STPG2: variants seen among roughly 807,000 people sequenced by gnomAD.
The protein encoded by STPG2 is sperm tail PG-rich repeat containing 2.
In STPG2, 56 loss-of-function variants were observed where a neutral mutation model predicts 54.2. That is an observed-to-expected ratio of 1.03 (90% CI 0.83 to 1.29). STPG2 has a LOEUF of 1.29. STPG2 is among the 50% of genes most tolerant of loss of function. STPG2 has a pLI of 0.00. For synonymous variants in STPG2, 200 were observed against 181.8 expected (o/e 1.10, Z -0.81); for missense variants, 596 against 544.9 (o/e 1.09, Z -0.93).
chr4:97,881,993 T>C (rs1309281317), intron 8 of STPG2, among the ~76,000 whole-genome samples: 2 of 152,076 alleles, frequency 1.3e-5, no homozygotes, highest in Non-Finnish European at 2.9e-5. Flanking sequence ...TAAATTAGCC[T>C]GAAATTTAAT....
intron 4 of STPG2, among the ~76,000 whole-genome samples, chr4:97,539,496 T>C (rs1297370601): frequency 6.6e-6 from 1 of 152,182 alleles, no homozygotes; most frequent in Admixed American, 6.5e-5. Flanking sequence ...GATCTAACTA[T>C]CGTAAATATT....
chr4:97,817,980 G>A (rs1252297150), intron 9 of STPG2, among the ~76,000 whole-genome samples: 1 of 151,624 alleles, frequency 6.6e-6, no homozygotes, highest in Non-Finnish European at 1.5e-5. Flanking sequence ...GTAAAAAGTA[G>A]CCCATGTTTA....
At chr4:97,641,520 T>G (rs9999993) in intron 10 of STPG2, among the ~76,000 whole-genome samples, 1 of 151,044 alleles carries the variant, frequency 6.6e-6, no homozygotes, top group Non-Finnish European at 1.5e-5. Flanking sequence ...AAGCAGAACA[T>G]GTTGTAACCA....
At chr4:97,685,830 C>T (rs1578479227) in intron 10 of STPG2, among the ~76,000 whole-genome samples, 1 of 152,132 alleles carries the variant, frequency 6.6e-6, no homozygotes, top group East Asian at 1.9e-4. Flanking sequence ...TTTCTGTAAA[C>T]CTAAAACTGC....
At chr4:97,464,695 T>C (rs1729747207) in intron 4 of STPG2, among the ~76,000 whole-genome samples, 1 of 152,114 alleles carries the variant, frequency 6.6e-6, no homozygotes, top group South Asian at 2.1e-4. Flanking sequence ...TACATGCTTA[T>C]TTACCCTGTC....
At chr4:97,917,538 C>T (rs1481266069) in intron 8 of STPG2, 1 of 151,938 alleles carries the variant, frequency 6.6e-6, no homozygotes, top group Non-Finnish European at 1.5e-5. Flanking sequence ...ACATAATTTA[C>T]CCCTGGCTAA....
At chr4:97,469,514 G>A (rs1729871941) in intron 4 of STPG2, among the ~76,000 whole-genome samples, 1 of 152,076 alleles carries the variant, frequency 6.6e-6, no homozygotes. Flanking sequence ...AGAAAGTACA[G>A]TGAGAGAGCA....
chr4:97,772,744 T>C (rs569148162), intron 9 of STPG2, among the ~76,000 whole-genome samples: 1 of 152,266 alleles, frequency 6.6e-6, no homozygotes, highest in South Asian at 2.1e-4. Flanking sequence ...AATTATCAAC[T>C]TTGTTACCTC....
intron 8 of STPG2, among the ~76,000 whole-genome samples, chr4:97,938,413 G>A (rs577292469): frequency 3.1e-5 from 3 of 97,526 alleles, no homozygotes; most frequent in South Asian, 3.6e-4. Flanking sequence ...TCCCTCCCTC[G>A]GGGAGCTCAG....
chr4:97,465,168 C>T (rs1391726948), intron 4 of STPG2, among the ~76,000 whole-genome samples: 4 of 152,136 alleles, frequency 2.6e-5, no homozygotes, highest in Admixed American at 2.0e-4. Flanking sequence ...CAGCCTCCAG[C>T]AATTTGTCAA....
intron 8 of STPG2, among the ~76,000 whole-genome samples, chr4:97,864,522 A>C (rs901640871): frequency 2.6e-5 from 4 of 152,154 alleles, no homozygotes; most frequent in African/African-American, 9.7e-5. Context: ...TGCCCAAGGT[A>C]ATTTATACAT....
chr4:97,948,619 T>C (rs1435986152), intron 7 of STPG2, among the ~76,000 whole-genome samples: 1 of 152,144 alleles, frequency 6.6e-6, no homozygotes, highest in African/African-American at 2.4e-5. Context: ...CATGTCACTA[T>C]TATTCATTTC....
At position 97,885,211 on chromosome 4, in the gene STPG2, T is replaced by C. The variant is rs185905627; in HGVS notation, c.1045-44279A>G. Reference sequence around the variant, plus strand: ...GAAATAGTAACTAACAACTTCAGCCTGAAACCCTGGAGTTGGTGAAGATAC... The same window carrying C: ...GAAATAGTAACTAACAACTTCAGCCCGAAACCCTGGAGTTGGTGAAGATAC... On this transcript the variant is annotated intron_variant, in intron 8 of 10. Coordinates refer to ENST00000295268, the MANE Select transcript of STPG2 (RefSeq NM_174952.3). Among the ~76,000 whole-genome samples the C allele has an allele frequency of 1.9e-3, 287 of 152,274 alleles. 5 individuals carry two copies. Among genetic ancestry groups the C allele is most frequent in the Non-Finnish European group, 3.4e-4 (23 of 68,024 alleles).
At chr4:97,542,561 G>T (rs774025375) in intron 4 of STPG2, among the ~76,000 whole-genome samples, 1 of 152,172 alleles carries the variant, frequency 6.6e-6, no homozygotes, top group East Asian at 1.9e-4. Flanking sequence ...AGACAGTGTG[G>T]CGATTCCTCA....
In STPG2 at chr4:98,019,823, G is replaced by C. The variant is rs550666990; in HGVS notation, c.613-38505C>G. On this transcript the variant is annotated intron_variant, in intron 5 of 10. Transcript: ENST00000295268. ...TCATGATTTGGCTCTCTGTTTGTCT[G>C]TTGTTGGTGTATAAGAATGTTTGTG... is the stretch of plus-strand genomic sequence containing the variant. Among the ~76,000 whole-genome samples the C allele has an allele frequency of 3.4e-3, 400 of 119,018 alleles. 95 individuals are homozygous for C. Among genetic ancestry groups the C allele is most frequent in the African/African-American group, 0.013 (376 of 29,792 alleles). The allele number at this position is 119,018 out of a possible 152,430, so 78.1% of individuals were successfully genotyped here.
chr4:97,576,997 C>G (rs917998173), intron 10 of STPG2, among the ~76,000 whole-genome samples: 1 of 152,140 alleles, frequency 6.6e-6, no homozygotes, highest in African/African-American at 2.4e-5. Context: ...AAATGCTCAT[C>G]ATCACTAATC....
At chr4:97,466,073 G>T (rs1729782020) in intron 4 of STPG2, among the ~76,000 whole-genome samples, 1 of 151,940 alleles carries the variant, frequency 6.6e-6, no homozygotes, top group Non-Finnish European at 1.5e-5. Flanking sequence ...AGGTTCCAGG[G>T]TTTTAAATAA....
At chr4:97,749,036 T>G (rs558509100) in intron 9 of STPG2, among the ~76,000 whole-genome samples, 79 of 151,688 alleles carry the variant, frequency 5.2e-4, no homozygotes, top group African/African-American at 1.8e-3. Flanking sequence ...TAGGGAAAGC[T>G]CTTATATAAA....
chr4:97,843,208 CT>C (rs1728853953), intron 8 of STPG2, among the ~76,000 whole-genome samples: 1 of 150,934 alleles, frequency 6.6e-6, no homozygotes, highest in Non-Finnish European at 1.5e-5. Flanking sequence ...TATTGCATGA[CT>C]TTTTTCTCAT....
Sources: gnomAD v4.1 joint callset for allele counts (sites outside exome capture counted in the v4.1 genomes callset) on GRCh38, gnomAD v4.1.1 for gene constraint, MANE v1.5 for transcripts, NCBI Gene and HGNC (gene_info 2026-07-23, HGNC 2026-07-21) for gene names.